EYA4: variants seen among roughly 807,000 people sequenced by gnomAD.
EYA4 encodes protein phosphatase EYA4.
In EYA4, 31 loss-of-function variants were observed where a neutral mutation model predicts 87.9. The ratio of observed to expected loss-of-function variants is 0.35; its 90% confidence interval spans 0.27 to 0.48. The LOEUF is 0.48. EYA4 is among the 20% of genes least tolerant of loss of function. The probability of loss-of-function intolerance (pLI) is 0.99; values close to 1 mark genes in which losing one functional copy is unlikely to be tolerated. For synonymous variants in EYA4, 263 were observed against 270.6 expected (o/e 0.97, Z 0.28); for missense variants, 678 against 761.4 (o/e 0.89, Z 1.29).
rs1800970103 is a variant in EYA4 at position 133,530,893 on chromosome 6, T to C, written c.*2088T>C. On this transcript the variant is annotated 3_prime_UTR_variant, in exon 20 of 20. Coordinates refer to ENST00000355286, the MANE Select transcript of EYA4 (RefSeq NM_004100.5). ...CTTCTGTTGGCCCTTAGCTTGAAAA[T>C]AGCAGTTAAAAAAATTTAAATGTTG... The C allele has an allele frequency of 9.3e-7, 1 of 1,078,010 alleles. No individual in the cohort carries two copies. The highest frequency in any genetic ancestry group is 4.2e-5 in the South Asian group (1 of 23,646). The allele number at this position is 1,078,010 out of a possible 1,614,324, so 66.8% of individuals were successfully genotyped here.
chr6:133,368,834 A>G (rs1386864345), intron 2 of EYA4, among the ~76,000 whole-genome samples: 1 of 152,214 alleles, frequency 6.6e-6, no homozygotes, highest in Admixed American at 6.5e-5. Context: ...CGCCGTCTTC[A>G]GTTCCTAAAG....
intron 2 of EYA4, among the ~76,000 whole-genome samples, chr6:133,287,026 A>G (rs1778120084): frequency 6.6e-6 from 1 of 152,118 alleles, no homozygotes; most frequent in African/African-American, 2.4e-5. Context: ...AGACATTGCC[A>G]AATGTCTTCT....
At chr6:133,289,541 A>G (rs923888193) in intron 2 of EYA4, among the ~76,000 whole-genome samples, 2 of 152,236 alleles carry the variant, frequency 1.3e-5, no homozygotes, top group East Asian at 3.8e-4. Context: ...GAAACAATTA[A>G]GAAGATAAAG....
intron 2 of EYA4, among the ~76,000 whole-genome samples, chr6:133,366,448 G>A (rs1784858540): frequency 6.6e-6 from 1 of 152,276 alleles, no homozygotes. Flanking sequence ...AGTAGTTAAG[G>A]CATGGCACTA....
chr6:133,325,753 A>G (rs2128368608), intron 2 of EYA4, among the ~76,000 whole-genome samples: 1 of 152,336 alleles, frequency 6.6e-6, no homozygotes, highest in East Asian at 1.9e-4. Context: ...GTTTTGGACC[A>G]TAGAGCCATG....
intron 2 of EYA4, among the ~76,000 whole-genome samples, chr6:133,306,687 TTA>T (rs1779836933): frequency 6.6e-6 from 1 of 152,200 alleles, no homozygotes. Flanking sequence ...TCATGTTCAT[TTA>T]TGATAGCTAA....
rs570317734 is a variant in EYA4 at position 133,496,007 on chromosome 6, A to G, written c.1192-10099A>G. Among the ~76,000 whole-genome samples the G allele has an allele frequency of 8.4e-4, 128 of 152,320 alleles. 2 individuals are homozygous for G. In the Middle Eastern group the frequency reaches 0.017, roughly 20 times the overall value. On this transcript the variant is annotated intron_variant, in intron 13 of 19. Coordinates refer to ENST00000355286, the MANE Select transcript of EYA4 (RefSeq NM_004100.5). ...CTTACATTTTATAGCCATTCAATGC[A>G]TGTTATCATATTAAAGGTCATGAGA...
chr6:133,293,110 T>C (rs1157885152), intron 2 of EYA4, among the ~76,000 whole-genome samples: 1 of 152,184 alleles, frequency 6.6e-6, no homozygotes, highest in Non-Finnish European at 1.5e-5. Context: ...CTTAGGTGTT[T>C]TGAATTTCTC....
Position 133,528,884 on chromosome 6 carries a change from C to G in EYA4, c.*79C>G, listed in dbSNP as rs1800843062. 3 of 1,608,350 alleles carry G rather than the reference C, an allele frequency of 1.9e-6. No homozygotes were observed. The highest frequency in any genetic ancestry group is 2.7e-5 in the African/African-American group (2 of 74,724). On this transcript the variant is annotated 3_prime_UTR_variant, in exon 20 of 20. Coordinates refer to ENST00000355286, the MANE Select transcript of EYA4 (RefSeq NM_004100.5). ...TATGTGTGATTCAATGCCTCTGGCT[C>G]TACACATATAAATTGTCTTAATGGA...
chr6:133,396,865 A>G (rs574406495), intron 3 of EYA4, among the ~76,000 whole-genome samples: 86 of 152,278 alleles, frequency 5.6e-4, no homozygotes, highest in African/African-American at 2.0e-3. Context: ...GCCTTCTTCC[A>G]GATCTCAGTA....
chr6:133,351,730 AAG>A, intron 2 of EYA4, among the ~76,000 whole-genome samples: 1 of 152,326 alleles, frequency 6.6e-6, no homozygotes, highest in African/African-American at 2.4e-5. Flanking sequence ...TGTTGGGTAC[AAG>A]TTCTTTAACA....
At chr6:133,400,776 T>G (rs774991637) in intron 3 of EYA4, among the ~76,000 whole-genome samples, 61 of 152,156 alleles carry the variant, frequency 4.0e-4, no homozygotes, top group Non-Finnish European at 7.4e-4. Context: ...CAATTTAACA[T>G]AAATTTAACT....
At chr6:133,308,868 A>G (rs1401243406) in intron 2 of EYA4, among the ~76,000 whole-genome samples, 1 of 152,178 alleles carries the variant, frequency 6.6e-6, no homozygotes, top group Admixed American at 6.5e-5. Context: ...ATTTTTATGC[A>G]TAGAAACTTA....
chr6:133,301,677 CAT>C (rs1384006407), intron 2 of EYA4, among the ~76,000 whole-genome samples: 1 of 152,198 alleles, frequency 6.6e-6, no homozygotes, highest in African/African-American at 2.4e-5. Context: ...TGTTTAATAA[CAT>C]GTACAATATG....
chr6:133,447,869 G>A (rs1316069512), intron 4 of EYA4, among the ~76,000 whole-genome samples: 1 of 152,120 alleles, frequency 6.6e-6, no homozygotes, highest in Admixed American at 6.5e-5. Flanking sequence ...ACCTTAAATT[G>A]GGTACAAATA....
intron 2 of EYA4, among the ~76,000 whole-genome samples, chr6:133,291,274 A>G (rs1044187764): frequency 2.0e-5 from 3 of 152,224 alleles, no homozygotes; most frequent in African/African-American, 7.2e-5. Context: ...TTTATTCAAC[A>G]AAGATTTAAA....
chr6:133,410,602 A>AG (rs1265048649), intron 3 of EYA4, among the ~76,000 whole-genome samples: 31 of 85,270 alleles, frequency 3.6e-4, no homozygotes, highest in African/African-American at 8.2e-4. Context: ...AAAAAAAAAA[A>AG]CTTCTGTATT....
intron 2 of EYA4, among the ~76,000 whole-genome samples, chr6:133,291,837 G>A (rs1194514870): frequency 1.3e-5 from 2 of 152,120 alleles, no homozygotes; most frequent in African/African-American, 2.4e-5. Context: ...ATTGATTCAT[G>A]TTTGGGGTGA....
chr6:133,505,674 CTCTA>C (rs1798538223), intron 13 of EYA4, among the ~76,000 whole-genome samples: 1 of 152,176 alleles, frequency 6.6e-6, no homozygotes, highest in Non-Finnish European at 1.5e-5. Flanking sequence ...ACCTATTTTT[CTCTA>C]TCTTTTAATT....
Sources: allele counts gnomAD v4.1 joint callset (sites outside exome capture counted in the v4.1 genomes callset), GRCh38; gene constraint gnomAD v4.1.1; transcripts MANE v1.5; gene names NCBI Gene and HGNC (gene_info 2026-07-23, HGNC 2026-07-21).